Variants in ZSCAN18 observed in about 807,000 individuals in gnomAD.
The protein encoded by ZSCAN18 is zinc finger and SCAN domain-containing protein 18.
In ZSCAN18, 16 loss-of-function variants were observed where a neutral mutation model predicts 31.1. The observed-to-expected ratio is 0.51, with a 90% CI of 0.35 to 0.78. ZSCAN18 has a LOEUF of 0.78. ZSCAN18 is among the 30% of genes least tolerant of loss of function. The pLI is 0.01. For synonymous variants in ZSCAN18, 375 were observed against 320.7 expected (o/e 1.17, Z -1.81); for missense variants, 731 against 697.4 (o/e 1.05, Z -0.54).
intron 1 of ZSCAN18, among the ~76,000 whole-genome samples, chr19:58,097,322 A>G (rs571415770): frequency 6.6e-6 from 1 of 152,056 alleles, no homozygotes; most frequent in Non-Finnish European, 1.5e-5. Flanking sequence ...GGATTGGGAA[A>G]AGGAAGGAGC....
Position 58,086,879 on chromosome 19 carries a change from C to T in ZSCAN18, c.745+27G>A, listed in dbSNP as rs202022576. The T allele has an allele frequency of 1.6e-5, 26 of 1,577,014 alleles. No homozygotes were observed. The African/African-American group carries it at 2.7e-4, about 16-fold the overall frequency. The stretch of plus-strand genomic sequence containing the variant: ...CTGCGGAAGGGGATGGGGAGTGGGG[C>T]GTGACCCCGAGGCAGGCGACTCTCA... On this transcript the variant is annotated intron_variant, in intron 5 of 6. Coordinates refer to ENST00000601144, the MANE Select transcript of ZSCAN18 (RefSeq NM_001145543.2).
chr19:58,113,803 AC>A (rs764163359), intron 1 of ZSCAN18, among the ~76,000 whole-genome samples: 7 of 152,048 alleles, frequency 4.6e-5, no homozygotes, highest in Non-Finnish European at 7.4e-5. Context: ...ACATGGTGAA[AC>A]CCCATCTCTA....
chr19:58,108,756 G>T, intron 1 of ZSCAN18: 1 of 985,668 alleles, frequency 1.0e-6, no homozygotes, highest in Non-Finnish European at 1.2e-6. Flanking sequence ...CTTCTCCTTT[G>T]TGTTGTTCCT....
chr19:58,086,472 G>A, intron 5 of ZSCAN18: 1 of 531,392 alleles, frequency 1.9e-6, no homozygotes, highest in South Asian at 2.8e-5. Flanking sequence ...GGCAGGCGGA[G>A]GCAGGACTCA....
intron 1 of ZSCAN18, among the ~76,000 whole-genome samples, chr19:58,111,121 TCGCGCCACTGCACTCCAGC>T (rs2074679773): frequency 6.6e-6 from 1 of 151,802 alleles, no homozygotes; most frequent in Non-Finnish European, 1.5e-5. Flanking sequence ...TGAGCTGAGA[TCGCGCCACTGCACTCCAGC>T]CTGGGCGACA....
chr19:58,117,349 G>C (rs1166642524), intron 1 of ZSCAN18, among the ~76,000 whole-genome samples: 1 of 152,054 alleles, frequency 6.6e-6, no homozygotes, highest in Non-Finnish European at 1.5e-5. Context: ...TTTGTGGAGA[G>C]GGCAGCCCAG....
intron 1 of ZSCAN18, among the ~76,000 whole-genome samples, chr19:58,091,210 G>C (rs1379353706): frequency 6.8e-6 from 1 of 147,636 alleles, no homozygotes; most frequent in Non-Finnish European, 1.5e-5. Context: ...AGAGGTTGCA[G>C]TAAGCCGAGA....
chr19:58,098,804 A>C (rs1210695408), upstream of ZSCAN18, among the ~76,000 whole-genome samples: 1 of 152,236 alleles, frequency 6.6e-6, no homozygotes, highest in Non-Finnish European at 1.5e-5. Context: ...AGAGACAGGG[A>C]CCAGCAGACC....
Position 58,085,465 on chromosome 19 carries a change from G to A in ZSCAN18, c.839-86C>T, listed in dbSNP as rs1051422841. ...CAGCCGAGCCTCAGCTGCCGGAACA[G>A]CGCACAGGGCTCCGGGCTCTGGATC... On this transcript the variant is annotated intron_variant, in intron 6 of 6. Coordinates refer to ENST00000601144, the MANE Select transcript of ZSCAN18 (RefSeq NM_001145543.2). 1.7e-5 allele frequency: 21 copies of A among 1,214,054 alleles called. No homozygotes were observed. In the African/African-American group the frequency reaches 3.1e-4, roughly 18 times the overall value. 75.2% of individuals were successfully genotyped at this position (1,214,054 alleles called of 1,614,324 possible).
At chr19:58,102,576 A>G (rs2074603984), upstream of ZSCAN18, among the ~76,000 whole-genome samples, 1 of 152,222 alleles carries the variant, frequency 6.6e-6, no homozygotes, top group Middle Eastern at 3.2e-3. Context: ...TATGGCTGAC[A>G]CAGGCTATAA....
Position 58,090,892 on chromosome 19 carries a change from A to ACCCTT in ZSCAN18, c.-119-507_-119-506insAAGGG, listed in dbSNP as rs1177444955. Among the ~76,000 whole-genome samples, 1 of 151,832 alleles carries ACCCTT rather than the reference A, an allele frequency of 6.6e-6. No individual in the cohort carries two copies. Among genetic ancestry groups the ACCCTT allele is most frequent in the Non-Finnish European group, 1.5e-5 (1 of 67,954 alleles). On this transcript the variant is annotated intron_variant, in intron 1 of 6. Transcript: ENST00000601144. The surrounding 1 kb of genome is among the most constrained non-coding windows in gnomAD (Gnocchi z 4.7). Reference sequence around the variant, plus strand: ...GGTGTGAGCCACTGCGCCCAGCATCATTACCAGAATTTTAAAAAATCAGTC... The same window carrying ACCCTT: ...GGTGTGAGCCACTGCGCCCAGCATCACCCTTTTACCAGAATTTTAAAAAATCAGTC...
intron 1 of ZSCAN18, chr19:58,108,964 A>T: frequency 8.8e-7 from 1 of 1,134,230 alleles, no homozygotes; most frequent in Non-Finnish European, 1.1e-6. Context: ...ACAATTATGT[A>T]TGTAACTAAA....
At chr19:58,111,305 C>T (rs2074681523) in intron 1 of ZSCAN18, among the ~76,000 whole-genome samples, 2 of 152,134 alleles carry the variant, frequency 1.3e-5, no homozygotes, top group Non-Finnish European at 2.9e-5. Context: ...TGTCATTCAA[C>T]AGTAGCTCTC....
At chr19:58,087,285 G>A in intron 4 of ZSCAN18, 31 bp downstream of exon 4, 1 of 1,573,816 alleles carries the variant, frequency 6.4e-7, no homozygotes, top group Non-Finnish European at 8.6e-7. Context: ...TGAGGCCAAG[G>A]CCCCTCACCC....
At chr19:58,091,573 G>A (rs987201413) in intron 1 of ZSCAN18, among the ~76,000 whole-genome samples, 2 of 152,000 alleles carry the variant, frequency 1.3e-5, no homozygotes, top group African/African-American at 4.8e-5. Context: ...CAATGACTGA[G>A]AGAGTTCAGG....
At chr19:58,094,194 G>A (rs551821320) in intron 1 of ZSCAN18, among the ~76,000 whole-genome samples, 4 of 151,016 alleles carry the variant, frequency 2.6e-5, no homozygotes, top group South Asian at 4.2e-4. Flanking sequence ...TCAGGAGATC[G>A]AGACCATCCT....
upstream of ZSCAN18, among the ~76,000 whole-genome samples, chr19:58,100,740 A>G (rs898331201): frequency 1.7e-5 from 2 of 117,230 alleles, no homozygotes; most frequent in Non-Finnish European, 4.0e-5. Flanking sequence ...AAAATTAGCC[A>G]GGCATGGTGG....
At position 58,086,935 on chromosome 19, in the gene ZSCAN18, A is replaced by C. The variant is rs755737897; in HGVS notation, c.716T>G (p.Leu239Arg). ...CAGGAGCAGCTTCCGGTAGCTCTTC[A>C]GGTTCTCCTCGGCAGGGTCCAGGTG... ...WGHLDPAEENLKSYRKLLLWG... is the reference protein window; with the variant it reads ...WGHLDPAEENRKSYRKLLLWG... The change falls in exon 5 of 7, where the codon CTG (leucine) becomes CGG (arginine). Residue 239 changes from leucine to arginine, a missense_variant. Leu to Arg is a moderately radical substitution (Grantham distance 102, BLOSUM62 -2). Around this residue, in one of 4 missense-constraint regions of ZSCAN18, gnomAD observed 597 missense variants for 499.5 expected, o/e 1.20. Coordinates refer to ENST00000601144, the MANE Select transcript of ZSCAN18 (RefSeq NM_001145543.2). 1 of 1,613,852 alleles carries C rather than the reference A, an allele frequency of 6.2e-7. No individual in the cohort carries two copies. The highest frequency in any genetic ancestry group is 1.7e-5 in the Admixed American group (1 of 60,014).
intron 2 of ZSCAN18, among the ~76,000 whole-genome samples, chr19:58,089,443 T>C (rs1236859907): frequency 6.8e-6 from 1 of 147,960 alleles, no homozygotes; most frequent in Non-Finnish European, 1.5e-5. Context: ...CTGGCCAACA[T>C]GGTGAAACCC....
Sources: gnomAD v4.1 joint callset for allele counts (sites outside exome capture counted in the v4.1 genomes callset) on GRCh38, gnomAD v4.1.1 for gene constraint, gnomAD v4.1.1 regional missense constraint, Gnocchi (gnomAD v3.1) non-coding constraint, MANE v1.5 for transcripts, NCBI Gene and HGNC (gene_info 2026-07-23, HGNC 2026-07-21) for gene names.